The following NTM variants were observed in gnomAD, a reference collection of about 807,000 sequenced individuals.
NTM encodes the protein neurotrimin.
In NTM, 13 loss-of-function variants were observed where a neutral mutation model predicts 42.1. That is an observed-to-expected ratio of 0.31 (90% CI 0.20 to 0.49). NTM has a LOEUF of 0.49. NTM is among the 20% of genes least tolerant of loss of function. The pLI is 0.99. For missense variants in NTM, 373 were observed against 452.8 expected, an observed-to-expected ratio of 0.82 and a Z score of 1.60; for synonymous variants, 187 against 179.2, an observed-to-expected ratio of 1.04 and a Z score of -0.35.
intron 4 of NTM, among the ~76,000 whole-genome samples, chr11:132,292,156 G>A (rs2094468267): frequency 6.6e-6 from 1 of 152,166 alleles, no homozygotes; most frequent in East Asian, 1.9e-4. Context: ...AGAAACAAAT[G>A]CATAGAACAA....
At chr11:131,512,336 T>C (rs1357744496) in intron 1 of NTM, among the ~76,000 whole-genome samples, 1 of 152,212 alleles carries the variant, frequency 6.6e-6, no homozygotes, top group African/African-American at 2.4e-5. Flanking sequence ...TGCTGCCAGC[T>C]CCTACTGCAA....
chr11:131,699,817 C>A (rs531992708), intron 1 of NTM, among the ~76,000 whole-genome samples: 2 of 152,144 alleles, frequency 1.3e-5, no homozygotes, highest in East Asian at 3.9e-4. Flanking sequence ...CCCACCAGGT[C>A]CCTCCCACTA....
intron 2 of NTM, among the ~76,000 whole-genome samples, chr11:132,140,134 A>C (rs562045324): frequency 6.6e-6 from 1 of 152,178 alleles, no homozygotes; most frequent in Non-Finnish European, 1.5e-5. Flanking sequence ...AACCCAGTGG[A>C]GTGAGATAAC....
intron 1 of NTM, among the ~76,000 whole-genome samples, chr11:131,704,483 AG>A (rs1278896922): frequency 1.3e-5 from 2 of 152,244 alleles, no homozygotes; most frequent in African/African-American, 4.8e-5. Context: ...TGACTGGTGA[AG>A]GACTTTACAT....
chr11:131,830,074 A>G (rs2042625849), intron 1 of NTM, among the ~76,000 whole-genome samples: 2 of 152,156 alleles, frequency 1.3e-5, no homozygotes, highest in South Asian at 2.1e-4. Context: ...TGCATTCTCC[A>G]TATTGACCTT....
At chr11:131,798,788 C>G (rs943073745) in intron 1 of NTM, among the ~76,000 whole-genome samples, 2 of 152,140 alleles carry the variant, frequency 1.3e-5, no homozygotes, top group Admixed American at 6.6e-5. Flanking sequence ...AACCTCCTTC[C>G]CTGTAGATGG....
intron 1 of NTM, among the ~76,000 whole-genome samples, chr11:131,754,631 A>T (rs2083077113): frequency 6.6e-6 from 1 of 151,714 alleles, no homozygotes; most frequent in African/African-American, 2.4e-5. Context: ...ACTCCAAAAA[A>T]AAAAAAATGC....
chr11:131,586,418 C>A (rs1452250955), intron 1 of NTM, among the ~76,000 whole-genome samples: 1 of 152,196 alleles, frequency 6.6e-6, no homozygotes, highest in Non-Finnish European at 1.5e-5. Context: ...GGCAAGCTCT[C>A]TCACTCCCTC....
intron 1 of NTM, among the ~76,000 whole-genome samples, chr11:131,594,683 A>C (rs2059664407): frequency 6.6e-6 from 1 of 152,206 alleles, no homozygotes; most frequent in Non-Finnish European, 1.5e-5. Flanking sequence ...TATAGGCATG[A>C]GCCACCATGC....
intron 1 of NTM, among the ~76,000 whole-genome samples, chr11:131,434,258 G>A (rs776667489): frequency 1.9e-4 from 29 of 152,208 alleles, no homozygotes; most frequent in Non-Finnish European, 3.7e-4. Flanking sequence ...ACGTGTGCAT[G>A]TGTCTTTATA....
At position 131,636,770 on chromosome 11, in the gene NTM, T is replaced by C. The variant is rs1441637857; in HGVS notation, c.82+265882T>C. 3.3e-5 allele frequency among the ~76,000 whole-genome samples: 5 copies of C among 152,168 alleles called. 1 individual carries two copies. Among genetic ancestry groups the C allele is most frequent in the Admixed American group, 3.3e-4 (5 of 15,274 alleles). On this transcript the variant is annotated intron_variant, in intron 1 of 8. Transcript: ENST00000683400. Reference sequence around the variant, plus strand: ...TGACTGTATGTCTGTGAGGCCACATTCCCACGTAAAATAGAGATTATAACA... The same window carrying C: ...TGACTGTATGTCTGTGAGGCCACATCCCCACGTAAAATAGAGATTATAACA...
At chr11:132,153,482 A>G (rs892778517) in intron 3 of NTM, among the ~76,000 whole-genome samples, 36 of 152,136 alleles carry the variant, frequency 2.4e-4, no homozygotes. Flanking sequence ...TTTCCTCATT[A>G]CCGTATTCCT....
intron 1 of NTM, among the ~76,000 whole-genome samples, chr11:131,437,806 A>T (rs985099812): frequency 6.6e-6 from 1 of 152,130 alleles, no homozygotes; most frequent in East Asian, 1.9e-4. Context: ...ATATTGTTAC[A>T]TGTGAATTTG....
chr11:132,131,544 T>G (rs2066825046), intron 2 of NTM, among the ~76,000 whole-genome samples: 1 of 151,080 alleles, frequency 6.6e-6, no homozygotes, highest in African/African-American at 2.4e-5. Context: ...AAGGAAGGGG[T>G]GTGTGGGCGA....
chr11:132,101,679 C>T (rs1418138986), intron 2 of NTM, among the ~76,000 whole-genome samples: 1 of 152,014 alleles, frequency 6.6e-6, no homozygotes, highest in Non-Finnish European at 1.5e-5. Flanking sequence ...CGAGCTCTTC[C>T]AATTTGATGT....
intron 1 of NTM, among the ~76,000 whole-genome samples, chr11:131,481,258 A>G (rs1214393809): frequency 2.0e-5 from 3 of 152,202 alleles, no homozygotes; most frequent in Non-Finnish European, 4.4e-5. Context: ...TTAGCCAAAG[A>G]TATCGAACGC....
intron 2 of NTM, among the ~76,000 whole-genome samples, chr11:131,997,978 A>G (rs940263051): frequency 6.5e-5 from 9 of 138,732 alleles, no homozygotes; most frequent in Admixed American, 2.9e-4. Context: ...CCCTCCCCTC[A>G]CTCCCTGGTT....
At chr11:132,131,901 G>A (rs1398930428) in intron 2 of NTM, among the ~76,000 whole-genome samples, 1 of 152,130 alleles carries the variant, frequency 6.6e-6, no homozygotes, top group African/African-American at 2.4e-5. Flanking sequence ...TGAGCTTGTG[G>A]TTGGAGGTTC....
intron 1 of NTM, among the ~76,000 whole-genome samples, chr11:131,495,321 T>G (rs1955225038): frequency 6.6e-6 from 1 of 152,204 alleles, no homozygotes; most frequent in South Asian, 2.1e-4. Flanking sequence ...TTGTCCTTGT[T>G]TGTGATTTTT....
Sources: gnomAD v4.1 joint callset for allele counts (sites outside exome capture counted in the v4.1 genomes callset) on GRCh38, gnomAD v4.1.1 for gene constraint, MANE v1.5 for transcripts, NCBI Gene and HGNC (gene_info 2026-07-23, HGNC 2026-07-21) for gene names.